OR56A3: variants seen among roughly 807,000 people sequenced by gnomAD.
OR56A3 encodes the protein olfactory receptor 56A3.
Under a neutral mutation model 17.5 loss-of-function variants are expected in OR56A3, and 23 were observed. The observed-to-expected ratio is 1.32, with a 90% CI of 0.95 to 1.87. The LOEUF is 1.87. Among genes scored for constraint, OR56A3 ranks in the 40% most tolerant of loss-of-function variants. OR56A3 has a pLI of 0.00. For missense variants in OR56A3, 366 were observed against 380.1 expected, an observed-to-expected ratio of 0.96 and a Z score of 0.31; for synonymous variants, 175 against 150.6, an observed-to-expected ratio of 1.16 and a Z score of -1.19.
chr11:5,969,135 C>A, the OR56A3 span, among the ~76,000 whole-genome samples: 1 of 152,172 alleles, frequency 6.6e-6, no homozygotes, highest in Non-Finnish European at 1.5e-5. Context: ...ACAACCCATC[C>A]TAGACATATT....
At chr11:5,956,720 A>T in the OR56A3 span, among the ~76,000 whole-genome samples, 1 of 152,186 alleles carries the variant, frequency 6.6e-6, no homozygotes, top group Non-Finnish European at 1.5e-5. Context: ...CCCATAGGTC[A>T]AAAGATACAA....
At chr11:5,967,922 AG>A in the OR56A3 span, 1 of 1,594,896 alleles carries the variant, frequency 6.3e-7, no homozygotes, top group Non-Finnish European at 8.6e-7. Context: ...TGTCATCACA[AG>A]AGAGTTTAGA....
At chr11:5,967,698 A>G in the OR56A3 span, 5 of 1,613,628 alleles carry the variant, frequency 3.1e-6, no homozygotes, top group South Asian at 5.5e-5. Context: ...CTTCCTGGCC[A>G]GGTTAGTGAT....
the OR56A3 span, among the ~76,000 whole-genome samples, chr11:5,998,986 T>C: frequency 4.0e-5 from 6 of 151,880 alleles, no homozygotes; most frequent in South Asian, 1.2e-3. Context: ...AGCACTGGAG[T>C]GGTATTATAG....
chr11:5,979,749 G>A, the OR56A3 span, among the ~76,000 whole-genome samples: 1 of 151,506 alleles, frequency 6.6e-6, no homozygotes, highest in African/African-American at 2.4e-5. Context: ...GCTAGCTTTG[G>A]GGTTGTTTTC....
chr11:6,020,794 T>TAGA, the OR56A3 span: 63 of 152,244 alleles, frequency 4.1e-4, no homozygotes, highest in African/African-American at 1.5e-3. Flanking sequence ...TGGATGGCCT[T>TAGA]TATTTCTTTC....
chr11:5,986,562 A>T, the OR56A3 span: 13 of 1,614,030 alleles, frequency 8.1e-6, no homozygotes, highest in Non-Finnish European at 1.1e-5. Context: ...AGGAGAATGC[A>T]TGGATGAAGA....
the OR56A3 span, among the ~76,000 whole-genome samples, chr11:5,972,483 A>G: frequency 6.6e-6 from 1 of 152,126 alleles, no homozygotes; most frequent in Non-Finnish European, 1.5e-5. Context: ...GATACAACAG[A>G]TTAGGTCCTG....
chr11:5,945,513 C>T lies in OR56A3; in HGVS notation c.-37+431C>T, dbSNP rs548957416. On this transcript the variant is annotated intron_variant, in intron 2 of 2. Coordinates refer to ENST00000641160, the MANE Select transcript of OR56A3 (RefSeq NM_001003443.3). ...GGGAGAATCGCTTGAACCTGGGAGG[C>T]GGAGGTTGCAGTGAGCAGAGATCAC... Among the ~76,000 whole-genome samples the T allele has an allele frequency of 2.2e-4, 31 of 141,678 alleles. No homozygotes were observed. The East Asian group carries it at 3.4e-3, about 15-fold the overall frequency. 92.9% of individuals were successfully genotyped at this position (141,678 alleles called of 152,430 possible).
At chr11:5,959,003 A>G in the OR56A3 span, among the ~76,000 whole-genome samples, 1 of 152,194 alleles carries the variant, frequency 6.6e-6, no homozygotes, top group African/African-American at 2.4e-5. Context: ...AAATATACAT[A>G]CCACATTTTA....
chr11:5,944,382 G>A lies in OR56A3; in HGVS notation c.-313-424G>A, dbSNP rs1028149345. On this transcript the variant is annotated intron_variant, in intron 1 of 2. Transcript: ENST00000641160. Reference sequence around the variant, plus strand: ...CTATGAGCTGTGGGAAGCAGGAGTCGGAGTTGCAAGAGGAAGGAAGAGGGA... The same window carrying A: ...CTATGAGCTGTGGGAAGCAGGAGTCAGAGTTGCAAGAGGAAGGAAGAGGGA... Among the ~76,000 whole-genome samples, 7 of 152,164 alleles carry A rather than the reference G, an allele frequency of 4.6e-5. No individual in the cohort carries two copies. The South Asian group carries it at 8.3e-4, about 18-fold the overall frequency.
At chr11:5,960,964 G>T in the OR56A3 span, among the ~76,000 whole-genome samples, 1 of 151,500 alleles carries the variant, frequency 6.6e-6, no homozygotes, top group East Asian at 2.0e-4. Context: ...CACCCTGTCT[G>T]GGAGGTGAGG....
At chr11:5,969,520 C>G in the OR56A3 span, among the ~76,000 whole-genome samples, 1 of 152,180 alleles carries the variant, frequency 6.6e-6, no homozygotes, top group Admixed American at 6.5e-5. Context: ...GAATGGCAAT[C>G]CTTGACCTCA....
the OR56A3 span, among the ~76,000 whole-genome samples, chr11:6,004,381 T>A: frequency 2.0e-5 from 3 of 152,052 alleles, no homozygotes; most frequent in African/African-American, 4.8e-5. Context: ...AGAGGGAGAT[T>A]AGGAAGTGTG....
the OR56A3 span, among the ~76,000 whole-genome samples, chr11:6,013,290 G>A: frequency 7.2e-5 from 11 of 152,204 alleles, no homozygotes; most frequent in Admixed American, 2.0e-4. Flanking sequence ...TTGGAGGCAG[G>A]GGTGACATCT....
the OR56A3 span, among the ~76,000 whole-genome samples, chr11:5,987,173 C>T: frequency 9.9e-5 from 15 of 152,200 alleles, no homozygotes; most frequent in African/African-American, 3.4e-4. Flanking sequence ...TTAAACTCTA[C>T]TATTCAGTTG....
At chr11:5,942,491 A>G (rs1241983532) in intron 1 of OR56A3, 117 bp downstream of exon 1, 4 of 152,240 alleles carry the variant, frequency 2.6e-5, no homozygotes, top group Non-Finnish European at 1.5e-5. Context: ...AGGCAGTATG[A>G]GAGCTAAAAA....
the OR56A3 span, among the ~76,000 whole-genome samples, chr11:5,998,716 A>G: frequency 5.3e-5 from 8 of 152,292 alleles, no homozygotes; most frequent in East Asian, 1.5e-3. Flanking sequence ...ACTCTGTTTC[A>G]TTTGCTATTT....
the OR56A3 span, among the ~76,000 whole-genome samples, chr11:6,007,865 G>A: frequency 1.5e-4 from 23 of 152,206 alleles, no homozygotes; most frequent in African/African-American, 5.5e-4. Context: ...TGCAGTGGGA[G>A]TATCAGTGGT....
Sources: gnomAD v4.1 joint callset for allele counts (sites outside exome capture counted in the v4.1 genomes callset) on GRCh38, gnomAD v4.1.1 for gene constraint, MANE v1.5 for transcripts, NCBI Gene and HGNC (gene_info 2026-07-23, HGNC 2026-07-21) for gene names.